SLC26A2: variants seen among roughly 807,000 people sequenced by gnomAD.
SLC26A2 encodes sulfate transporter.
Under a neutral mutation model 41.1 loss-of-function variants are expected in SLC26A2, and 36 were observed. The observed-to-expected ratio is 0.88, with a 90% CI of 0.67 to 1.16. SLC26A2 has a LOEUF of 1.16. Ranked by LOEUF, SLC26A2 falls within the 50% of genes most tolerant of loss-of-function variation. The pLI, the probability that SLC26A2 is intolerant of heterozygous loss-of-function variation, is 0.00. For synonymous variants in SLC26A2, 291 were observed against 311.6 expected (o/e 0.93, Z 0.70); for missense variants, 796 against 869.6 (o/e 0.92, Z 1.07).
rs1422623614 is a variant in SLC26A2, at chr5:149,985,665, T to C, written c.*3852T>C. ...TGAGTCTTGAAGTTATAATGATCCA[T>C]TCGAGTTCTGTGATCCTTATTGTTC... On this transcript the variant is annotated 3_prime_UTR_variant, in exon 3 of 3. Coordinates refer to ENST00000286298, the MANE Select transcript of SLC26A2 (RefSeq NM_000112.4). The C allele has an allele frequency of 6.6e-6, 1 of 152,212 alleles. No homozygotes were observed. Among genetic ancestry groups the C allele is most frequent in the Non-Finnish European group, 1.5e-5 (1 of 68,038 alleles). 9.4% of individuals were successfully genotyped at this position (152,212 alleles called of 1,614,324 possible). A position where few individuals can be genotyped will look rare whatever the true frequency, so the allele number is the denominator to read the frequency against.
chr5:149,980,971 A>G lies in SLC26A2; in HGVS notation c.1378A>G (p.Thr460Ala). ...CCATACTCAGCTTTCTGGTGTGGTAACAGCCCTGGTTCTTTTGTTGGTCCT... is the reference window on the plus strand; with the variant it reads ...CCATACTCAGCTTTCTGGTGTGGTAGCAGCCCTGGTTCTTTTGTTGGTCCT... ...GCHTQLSGVV[T>A]ALVLLLVLLV... Residue 460 changes from threonine to alanine, a missense_variant, in exon 3 of 3, where the codon ACA (threonine) becomes GCA (alanine). Thr to Ala is a moderately conservative substitution (Grantham distance 58). Coordinates refer to ENST00000286298, the MANE Select transcript of SLC26A2 (RefSeq NM_000112.4). 1.2e-6 allele frequency: 2 copies of G among 1,614,170 alleles called. No homozygotes were observed. The highest frequency in any genetic ancestry group is 2.2e-5 in the East Asian group (1 of 44,882).
chr5:149,972,186 A>G (rs538591777), intron 1 of SLC26A2, among the ~76,000 whole-genome samples: 5 of 152,306 alleles, frequency 3.3e-5, no homozygotes, highest in African/African-American at 1.2e-4. Context: ...AAACTCTTTC[A>G]TATTTCTCCC....
chr5:149,986,823 A>AT lies in SLC26A2; in HGVS notation c.*5011dup, dbSNP rs1201253150. ...TATTTTGGAGATGTTCTCTTCCCTT[A>AT]TCTCATGCGTCATCCCTAAAATAAT... On this transcript the variant is annotated 3_prime_UTR_variant, in exon 3 of 3. Transcript: ENST00000286298. The AT allele has an allele frequency of 6.6e-6, 1 of 152,234 alleles. No individual in the cohort carries two copies. The highest frequency in any genetic ancestry group is 1.9e-4 in the East Asian group (1 of 5,204). 9.4% of individuals were successfully genotyped at this position (152,234 alleles called of 1,614,324 possible). A position where few individuals can be genotyped will look rare whatever the true frequency, so the allele number is the denominator to read the frequency against.
intron 2 of SLC26A2, among the ~76,000 whole-genome samples, chr5:149,979,749 TGTG>T: frequency 6.6e-6 from 1 of 152,390 alleles, no homozygotes; most frequent in East Asian, 1.9e-4. Context: ...ATTTTTAAAG[TGTG>T]ATTCTACTTT....
intron 1 of SLC26A2, among the ~76,000 whole-genome samples, chr5:149,973,122 C>A (rs574572797): frequency 2.6e-5 from 4 of 152,018 alleles, no homozygotes; most frequent in African/African-American, 9.6e-5. Flanking sequence ...AGTTTGAGAC[C>A]AGCCTGGGCA....
At chr5:149,961,372 C>T (rs930600316) in intron 1 of SLC26A2, among the ~76,000 whole-genome samples, 52 of 152,304 alleles carry the variant, frequency 3.4e-4, no homozygotes, top group Admixed American at 6.5e-4. Context: ...GAAACTGAGG[C>T]CGGCACAGGC....
At chr5:149,971,916 C>T (rs984536987) in intron 1 of SLC26A2, among the ~76,000 whole-genome samples, 1 of 152,188 alleles carries the variant, frequency 6.6e-6, no homozygotes, top group Non-Finnish European at 1.5e-5. Context: ...TTTCTTAACC[C>T]GGCATAAAGG....
intron 1 of SLC26A2, among the ~76,000 whole-genome samples, chr5:149,974,682 G>A (rs1208109974): frequency 6.6e-6 from 1 of 150,520 alleles, no homozygotes; most frequent in Non-Finnish European, 1.5e-5. Context: ...CTTGGCCTCC[G>A]GAAGTGTTGG....
At chr5:149,965,003 G>A (rs1002970367) in intron 1 of SLC26A2, among the ~76,000 whole-genome samples, 3 of 152,224 alleles carry the variant, frequency 2.0e-5, no homozygotes, top group Non-Finnish European at 2.9e-5. Flanking sequence ...TAAGTATGGA[G>A]AGAGAGTGTG....
In SLC26A2 at chr5:149,978,507, C is replaced by T. The variant is rs532913173; in HGVS notation, c.699+156C>T. ...GGTAGAGGCAAAATTCAAACCCTAA[C>T]CTGACTCCACAGGTAATATAAGGCT... is the stretch of plus-strand genomic sequence containing the variant. On this transcript the variant is annotated intron_variant, in intron 2 of 2. Coordinates refer to ENST00000286298, the MANE Select transcript of SLC26A2 (RefSeq NM_000112.4). Among the ~76,000 whole-genome samples, 6 of 152,218 alleles carry T rather than the reference C, an allele frequency of 3.9e-5. No homozygotes were observed. The South Asian group carries it at 1.2e-3, about 32-fold the overall frequency.
chr5:149,969,068 T>C (rs1247277404), intron 1 of SLC26A2, among the ~76,000 whole-genome samples: 3 of 152,172 alleles, frequency 2.0e-5, no homozygotes, highest in Non-Finnish European at 4.4e-5. Flanking sequence ...GAAACAAAAA[T>C]TTTTGTCCAA....
chr5:149,965,325 C>G (rs1302195469), intron 1 of SLC26A2, among the ~76,000 whole-genome samples: 1 of 151,700 alleles, frequency 6.6e-6, no homozygotes, highest in Non-Finnish European at 1.5e-5. Flanking sequence ...ACTAAAAATA[C>G]AAAAATTAGC....
intron 1 of SLC26A2, among the ~76,000 whole-genome samples, chr5:149,961,294 G>T (rs988990819): frequency 6.6e-6 from 1 of 152,148 alleles, no homozygotes; most frequent in African/African-American, 2.4e-5. Context: ...TCGTTGATCC[G>T]TCTCGAACCT....
At chr5:149,980,211 C>G in intron 2 of SLC26A2, 82 bp from the exon 3 acceptor site, 1 of 1,046,094 alleles carries the variant, frequency 9.6e-7, no homozygotes, top group South Asian at 1.3e-5. Context: ...TGATATGTCT[C>G]CATGCAAGAA....
At chr5:149,966,062 G>A (rs566540746) in intron 1 of SLC26A2, among the ~76,000 whole-genome samples, 2 of 152,254 alleles carry the variant, frequency 1.3e-5, no homozygotes, top group African/African-American at 2.4e-5. Context: ...GTGCTACCAC[G>A]CCTGGCTAAT....
chr5:149,966,486 T>C (rs1268060370), intron 1 of SLC26A2, among the ~76,000 whole-genome samples: 2 of 152,234 alleles, frequency 1.3e-5, no homozygotes, highest in African/African-American at 4.8e-5. Context: ...TCACACCATA[T>C]TTACAACAGG....
At position 149,981,358 on chromosome 5, in the gene SLC26A2, T is replaced by C. The variant is rs1044122373; in HGVS notation, c.1765T>C (p.Tyr589His). Residue 589 changes from tyrosine to histidine, a missense_variant, in exon 3 of 3, where the codon TAC (tyrosine) becomes CAC (histidine). Tyr to His is a moderately conservative substitution (Grantham distance 83). Coordinates refer to ENST00000286298, the MANE Select transcript of SLC26A2 (RefSeq NM_000112.4). ...KIFRFVAPLY[Y>H]INKECFKSAL... ...TTTCCGCTTTGTAGCCCCTCTCTAC[T>C]ACATAAACAAAGAATGCTTTAAATC... The C allele has an allele frequency of 6.2e-7, 1 of 1,614,096 alleles. No individual in the cohort carries two copies. The highest frequency in any genetic ancestry group is 8.5e-7 in the Non-Finnish European group (1 of 1,179,986).
chr5:149,963,728 ATTTG>A (rs1488701110), intron 1 of SLC26A2, among the ~76,000 whole-genome samples: 35 of 94,872 alleles, frequency 3.7e-4, no homozygotes, highest in African/African-American at 1.5e-3. Context: ...TATTTTGCAT[ATTTG>A]TTTAACTTTT....
At chr5:149,974,722 CTTTTTTTTTT>C (rs11440508) in intron 1 of SLC26A2, among the ~76,000 whole-genome samples, 11 of 100,894 alleles carry the variant, frequency 1.1e-4, no homozygotes, top group Non-Finnish European at 2.0e-4. Flanking sequence ...TGCACCCGGC[CTTTTTTTTTT>C]TTTTTTTTTT....
Sources: gnomAD v4.1 joint callset for allele counts (sites outside exome capture counted in the v4.1 genomes callset) on GRCh38, gnomAD v4.1.1 for gene constraint, MANE v1.5 for transcripts, NCBI Gene and HGNC (gene_info 2026-07-23, HGNC 2026-07-21) for gene names.